The following PBX3 variants were observed in gnomAD, a reference collection of about 807,000 sequenced individuals.
PBX3 encodes PBX homeobox 3.
A neutral mutation model predicts 48.5 loss-of-function variants in PBX3; 14 were observed. The observed-to-expected ratio is 0.29, with a 90% confidence interval of 0.19 to 0.45. PBX3 has a LOEUF of 0.45. PBX3 is among the 20% of genes least tolerant of loss of function. The pLI, the probability that PBX3 is intolerant of heterozygous loss-of-function variation, is 1.00. For synonymous variants in PBX3, 210 were observed against 200.3 expected (o/e 1.05, Z -0.41); for missense variants, 386 against 546.7 (o/e 0.71, Z 2.93).
chr9:125,782,846 T>C (rs940640952), intron 2 of PBX3, among the ~76,000 whole-genome samples: 4 of 152,138 alleles, frequency 2.6e-5, no homozygotes, highest in Admixed American at 2.0e-4. Flanking sequence ...GTAGGCAGGT[T>C]TTTTTTTCTT....
chr9:125,753,423 A>G (rs1053586412), intron 2 of PBX3, among the ~76,000 whole-genome samples: 1 of 152,026 alleles, frequency 6.6e-6, no homozygotes, highest in Admixed American at 6.6e-5. Context: ...CACATATAAT[A>G]CATTTGTAGA....
chr9:125,922,100 C>T (rs1841469863), intron 3 of PBX3, among the ~76,000 whole-genome samples: 1 of 152,124 alleles, frequency 6.6e-6, no homozygotes, highest in Non-Finnish European at 1.5e-5. Flanking sequence ...ATAAAGAAAA[C>T]ACCGAAAACT....
Position 125,748,534 on chromosome 9 carries a change from GTTAT to G in PBX3, c.201-13_201-10del, listed in dbSNP as rs762063000. The G allele has an allele frequency of 2.5e-5, 41 of 1,612,696 alleles. No individual in the cohort carries two copies. The highest frequency in any genetic ancestry group is 4.5e-5 in the East Asian group (2 of 44,876). On this transcript the variant is annotated splice_polypyrimidine_tract_variant and intron_variant, in intron 1 of 8. Transcript: ENST00000373489. ...GGTGATGCTAATACCTTTGTGTTTC[GTTAT>G]TTGTTTTTTAGGAAACATGCCCTGA...
At chr9:125,940,780 CAA>C (rs1368280691) in intron 5 of PBX3, among the ~76,000 whole-genome samples, 12 of 151,978 alleles carry the variant, frequency 7.9e-5, no homozygotes, top group African/African-American at 1.9e-4. Flanking sequence ...AATAGAAAAA[CAA>C]GAGAAATTAA....
intron 2 of PBX3, among the ~76,000 whole-genome samples, chr9:125,827,585 T>C (rs1006742330): frequency 1.3e-5 from 2 of 152,204 alleles, no homozygotes; most frequent in South Asian, 2.1e-4. Context: ...ATATACACAC[T>C]GTACATCTTT....
chr9:125,788,282 C>G (rs975643598), intron 2 of PBX3, among the ~76,000 whole-genome samples: 3 of 152,108 alleles, frequency 2.0e-5, no homozygotes, highest in Admixed American at 1.3e-4. Flanking sequence ...AATTCTTATT[C>G]TGGGACTTGA....
At chr9:125,944,755 T>A (rs547027593) in intron 5 of PBX3, among the ~76,000 whole-genome samples, 1 of 152,214 alleles carries the variant, frequency 6.6e-6, no homozygotes, top group South Asian at 2.1e-4. Context: ...GAGCCTGTGT[T>A]ATTATGTGGG....
chr9:125,748,908 C>T (rs1227472557), intron 2 of PBX3: 4 of 310,582 alleles, frequency 1.3e-5, no homozygotes, highest in Non-Finnish European at 1.8e-5. Flanking sequence ...GCGCCAGCCG[C>T]CCTCTTCCCT....
chr9:125,886,374 T>C (rs1292394415), intron 2 of PBX3, among the ~76,000 whole-genome samples: 1 of 152,122 alleles, frequency 6.6e-6, no homozygotes, highest in African/African-American at 2.4e-5. Context: ...GGTTTTTATC[T>C]CCTCACTGAA....
chr9:125,828,102 G>A (rs1379760970), intron 2 of PBX3, among the ~76,000 whole-genome samples: 1 of 152,024 alleles, frequency 6.6e-6, no homozygotes, highest in East Asian at 1.9e-4. Context: ...GTATTTTTAG[G>A]AGTACTAGTT....
At chr9:125,755,546 C>A (rs1836491154) in intron 2 of PBX3, among the ~76,000 whole-genome samples, 1 of 152,050 alleles carries the variant, frequency 6.6e-6, no homozygotes, top group Non-Finnish European at 1.5e-5. Flanking sequence ...ATTGCTAATG[C>A]CCTAGAAGTA....
intron 2 of PBX3, among the ~76,000 whole-genome samples, chr9:125,777,000 T>A (rs1000688826): frequency 7.2e-6 from 1 of 139,310 alleles, no homozygotes; most frequent in Non-Finnish European, 1.5e-5. Flanking sequence ...TGACACATGA[T>A]TTTTCTTTTC....
chr9:125,748,515 G>T (rs1836272819), intron 1 of PBX3, 35 bp from the exon 2 acceptor site: 2 of 1,605,852 alleles, frequency 1.2e-6, no homozygotes, highest in African/African-American at 2.7e-5. Context: ...CATAGGTGAT[G>T]CTAATACCTT....
chr9:125,866,331 C>T (rs1287425351), intron 2 of PBX3, among the ~76,000 whole-genome samples: 1 of 152,098 alleles, frequency 6.6e-6, no homozygotes, highest in African/African-American at 2.4e-5. Flanking sequence ...AATTAAATAT[C>T]TGTATAGTTA....
intron 2 of PBX3, among the ~76,000 whole-genome samples, chr9:125,910,458 T>C (rs1841177156): frequency 6.6e-6 from 1 of 152,044 alleles, no homozygotes; most frequent in African/African-American, 2.4e-5. Flanking sequence ...GTGATTTATG[T>C]CCATTTAACT....
chr9:125,785,682 C>T (rs1837439042), intron 2 of PBX3, among the ~76,000 whole-genome samples: 1 of 152,236 alleles, frequency 6.6e-6, no homozygotes, highest in Non-Finnish European at 1.5e-5. Context: ...AATAAATTCT[C>T]TTTCATTTAT....
At chr9:125,880,876 T>A (rs1840364974) in intron 2 of PBX3, among the ~76,000 whole-genome samples, 1 of 152,196 alleles carries the variant, frequency 6.6e-6, no homozygotes, top group African/African-American at 2.4e-5. Context: ...TTTTGTGCAA[T>A]AAAGTAGAAA....
At position 125,839,958 on chromosome 9, in the gene PBX3, A is replaced by G. The variant is rs577357303; in HGVS notation, c.275-75728A>G. On this transcript the variant is annotated intron_variant, in intron 2 of 8. Coordinates refer to ENST00000373489, the MANE Select transcript of PBX3 (RefSeq NM_006195.6). ...CTTTCAGAAACCTGTACAGTGTTCT[A>G]TTATCTGTCAGTCTTGTGGTACTCA... 1.4e-4 allele frequency among the ~76,000 whole-genome samples: 21 copies of G among 152,250 alleles called. No individual in the cohort carries two copies. The Middle Eastern group carries it at 0.02, about 148-fold the overall frequency.
chr9:125,922,972 A>G (rs1229070337), intron 3 of PBX3, among the ~76,000 whole-genome samples: 2 of 152,264 alleles, frequency 1.3e-5, no homozygotes, highest in Non-Finnish European at 2.9e-5. Context: ...CACACTACAT[A>G]AATGAGTTGT....
Sources: allele counts gnomAD v4.1 joint callset (sites outside exome capture counted in the v4.1 genomes callset), GRCh38; gene constraint gnomAD v4.1.1; transcripts MANE v1.5; gene names NCBI Gene and HGNC (gene_info 2026-07-23, HGNC 2026-07-21).